DPYS: variants seen among roughly 807,000 people sequenced by gnomAD.
DPYS encodes dihydropyrimidine amidohydrolase.
A neutral mutation model predicts 50.3 loss-of-function variants in DPYS; 39 were observed. That is an observed-to-expected ratio of 0.78 (90% CI 0.60 to 1.01). The LOEUF is 1.01. DPYS is among the 50% of genes least tolerant of loss of function. DPYS has a pLI of 0.00. For synonymous variants in DPYS, 245 were observed against 250.7 expected (o/e 0.98, Z 0.22); for missense variants, 659 against 680.9 (o/e 0.97, Z 0.36).
At chr8:104,452,725 T>C (rs1213591038) in intron 1 of DPYS, among the ~76,000 whole-genome samples, 1 of 152,094 alleles carries the variant, frequency 6.6e-6, no homozygotes, top group African/African-American at 2.4e-5. Flanking sequence ...CCTGCAGTCC[T>C]AGCTACTTGG....
intron 7 of DPYS, among the ~76,000 whole-genome samples, chr8:104,397,281 T>C (rs2140531803): frequency 6.6e-6 from 1 of 152,348 alleles, no homozygotes; most frequent in Admixed American, 6.5e-5. Flanking sequence ...ATCACATTGA[T>C]CTCTTGACAA....
chr8:104,436,302 C>T (rs1158205467), intron 4 of DPYS, among the ~76,000 whole-genome samples: 1 of 152,094 alleles, frequency 6.6e-6, no homozygotes, highest in Non-Finnish European at 1.5e-5. Context: ...AAAAAGAAGA[C>T]CAGGAGTTTT....
At chr8:104,446,733 A>T (rs1588452111) in intron 3 of DPYS, among the ~76,000 whole-genome samples, 1 of 150,896 alleles carries the variant, frequency 6.6e-6, no homozygotes, top group South Asian at 2.1e-4. Flanking sequence ...TAAGGAGATT[A>T]AAAAAAAAGT....
chr8:104,393,304 AT>A (rs1399568637), intron 7 of DPYS, among the ~76,000 whole-genome samples: 1 of 152,122 alleles, frequency 6.6e-6, no homozygotes, highest in Non-Finnish European at 1.5e-5. Context: ...TTAACAACAC[AT>A]TTTTTCATTT....
Position 104,427,890 on chromosome 8 carries a change from C to T in DPYS, c.1092+90G>A, listed in dbSNP as rs2140638666. On this transcript the variant is annotated intron_variant, in intron 6 of 9. Transcript: ENST00000351513. ...TAGTAAAAACAATCAAAAAGCTTCT[C>T]TATGAAAATTTGTGCCACTCTGGTC... 7 of 1,597,486 alleles carry T rather than the reference C, an allele frequency of 4.4e-6. No individual in the cohort carries two copies. In the South Asian group the frequency reaches 5.5e-5, roughly 13 times the overall value.
intron 1 of DPYS, among the ~76,000 whole-genome samples, chr8:104,458,707 G>T (rs1453189271): frequency 6.6e-6 from 1 of 152,210 alleles, no homozygotes; most frequent in Non-Finnish European, 1.5e-5. Flanking sequence ...TGGGAAAGCT[G>T]TGTAAGTTGC....
At chr8:104,391,954 T>G (rs1019175850) in intron 8 of DPYS, among the ~76,000 whole-genome samples, 2 of 152,072 alleles carry the variant, frequency 1.3e-5, no homozygotes, top group African/African-American at 4.8e-5. Flanking sequence ...GTGTCACAAT[T>G]TGTTAGGAAG....
At chr8:104,430,965 C>T (rs989466485) in intron 4 of DPYS, among the ~76,000 whole-genome samples, 10 of 152,124 alleles carry the variant, frequency 6.6e-5, no homozygotes, top group Non-Finnish European at 1.0e-4. Flanking sequence ...TATGCCCAAT[C>T]GTTTTTAGTG....
chr8:104,452,391 C>T (rs972511728), intron 1 of DPYS, among the ~76,000 whole-genome samples: 10 of 152,160 alleles, frequency 6.6e-5, no homozygotes, highest in African/African-American at 1.2e-4. Flanking sequence ...GGGAGGCTCA[C>T]GGACACCAGG....
rs1812648912 is a variant in DPYS at position 104,424,349 on chromosome 8, G to A, written c.1133C>T (p.Thr378Ile). 1.9e-6 allele frequency: 3 copies of A among 1,613,850 alleles called. No homozygotes were observed. The highest frequency in any genetic ancestry group is 2.5e-6 in the Non-Finnish European group (3 of 1,179,986). The change falls in exon 7 of 10, where the codon ACC (threonine) becomes ATC (isoleucine). Residue 378 changes from threonine to isoleucine, a missense_variant. Physicochemically the swap from Thr to Ile is moderately conservative, Grantham distance 89. Coordinates refer to ENST00000351513, the MANE Select transcript of DPYS (RefSeq NM_001385.3). ...KMDENRFVAV[T>I]STNAAKIFNL... ...AAAAATTTTGGCTGCATTTGTGCTG[G>A]TAACTGCCACAAATCTGTTTTCATC...
chr8:104,436,504 G>A (rs1813152445), intron 4 of DPYS, among the ~76,000 whole-genome samples: 1 of 152,138 alleles, frequency 6.6e-6, no homozygotes, highest in Non-Finnish European at 1.5e-5. Context: ...CAGCTACTTG[G>A]GAGGCTGAGG....
intron 2 of DPYS, among the ~76,000 whole-genome samples, chr8:104,449,426 A>C (rs1290499607): frequency 6.6e-6 from 1 of 152,180 alleles, no homozygotes; most frequent in African/African-American, 2.4e-5. Flanking sequence ...TCCTCCTCCA[A>C]AAGTGTGGCA....
At chr8:104,389,242 A>G (rs1811311606) in intron 8 of DPYS, among the ~76,000 whole-genome samples, 1 of 152,226 alleles carries the variant, frequency 6.6e-6, no homozygotes. Context: ...CTTGCCCTCA[A>G]ACTCTTATCC....
chr8:104,411,280 G>T (rs1285728431), intron 7 of DPYS, among the ~76,000 whole-genome samples: 4 of 152,096 alleles, frequency 2.6e-5, no homozygotes, highest in African/African-American at 9.7e-5. Context: ...GATTAACATT[G>T]TCCTCATCCC....
At chr8:104,445,842 G>A (rs1188466166) in intron 3 of DPYS, among the ~76,000 whole-genome samples, 5 of 152,086 alleles carry the variant, frequency 3.3e-5, no homozygotes, top group African/African-American at 4.8e-5. Flanking sequence ...TCAGGAGATC[G>A]AGACCATCCT....
chr8:104,422,576 C>A (rs1332200789), intron 7 of DPYS, among the ~76,000 whole-genome samples: 1 of 152,104 alleles, frequency 6.6e-6, no homozygotes, highest in Non-Finnish European at 1.5e-5. Flanking sequence ...TTTTAAAAAC[C>A]CACGAGAGCT....
intron 7 of DPYS, among the ~76,000 whole-genome samples, chr8:104,406,840 T>TAC (rs1174276348): frequency 6.6e-6 from 1 of 152,008 alleles, no homozygotes; most frequent in Non-Finnish European, 1.5e-5. Flanking sequence ...CACACACACA[T>TAC]ACACACACAC....
At chr8:104,464,269 A>C (rs1814271755) in intron 1 of DPYS, among the ~76,000 whole-genome samples, 2 of 152,200 alleles carry the variant, frequency 1.3e-5, no homozygotes, top group Admixed American at 1.3e-4. Flanking sequence ...AAGAATTATA[A>C]ATCTCTCTGA....
intron 7 of DPYS, among the ~76,000 whole-genome samples, chr8:104,405,862 G>T (rs944440904): frequency 1.2e-4 from 19 of 152,364 alleles, no homozygotes; most frequent in Non-Finnish European, 2.4e-4. Context: ...AGGAGGGCAT[G>T]ATGAGCTGCC....
Sources: gnomAD v4.1 joint callset for allele counts (sites outside exome capture counted in the v4.1 genomes callset) on GRCh38, gnomAD v4.1.1 for gene constraint, MANE v1.5 for transcripts, NCBI Gene and HGNC (gene_info 2026-07-23, HGNC 2026-07-21) for gene names.